ANKS1A: variants seen among roughly 807,000 people sequenced by gnomAD.
ANKS1A encodes the protein ankyrin repeat and sterile alpha motif domain containing 1A.
Under a neutral mutation model 120.3 loss-of-function variants are expected in ANKS1A, and 55 were observed. The observed-to-expected ratio is 0.46, with a 90% confidence interval of 0.37 to 0.57. ANKS1A has a LOEUF of 0.57. Ranked by LOEUF, ANKS1A falls within the 20% of genes least tolerant of loss-of-function variation. The pLI, the probability that ANKS1A is intolerant of heterozygous loss-of-function variation, is 0.00. For synonymous variants in ANKS1A, 590 were observed against 604.7 expected, an observed-to-expected ratio of 0.98 and a Z score of 0.36; for missense variants, 1,123 against 1,480.3, an observed-to-expected ratio of 0.76 and a Z score of 3.96.
At chr6:34,979,577 A>C (rs1475882354) in intron 3 of ANKS1A, among the ~76,000 whole-genome samples, 1 of 151,806 alleles carries the variant, frequency 6.6e-6, no homozygotes, top group Non-Finnish European at 1.5e-5. Flanking sequence ...AATAGAGAAA[A>C]GTTTTTTTGT....
chr6:34,890,426 A>G (rs779333608), intron 1 of ANKS1A, among the ~76,000 whole-genome samples: 1 of 152,210 alleles, frequency 6.6e-6, no homozygotes, highest in African/African-American at 2.4e-5. Context: ...CTCTGGATGT[A>G]TCATTTTCAA....
At position 35,060,043 on chromosome 6, in the gene ANKS1A, A is replaced by G. The variant is rs1013711023; in HGVS notation, c.2078-104A>G. On this transcript the variant is annotated intron_variant, in intron 12 of 23. Coordinates refer to ENST00000360359, the MANE Select transcript of ANKS1A (RefSeq NM_015245.3). This position sits in a 1 kb window ranked among gnomAD's most constrained non-coding sequence, Gnocchi z 4.5. ...GTATATAGTTTGGCTGTTTGATGGT[A>G]ATGACTATGATGTGGCAATGCCATC... The G allele has an allele frequency of 4.6e-6, 4 of 867,924 alleles. No homozygotes were observed. Among genetic ancestry groups the G allele is most frequent in the Non-Finnish European group, 7.4e-6 (4 of 538,902 alleles). The allele number at this position is 867,924 out of a possible 1,614,324, so 53.8% of individuals were successfully genotyped here. A position where few individuals can be genotyped will look rare whatever the true frequency, so the allele number is the denominator to read the frequency against.
At position 35,004,760 on chromosome 6, in the gene ANKS1A, T is replaced by A. The variant is rs187754319; in HGVS notation, c.1423+10338T>A. Reference sequence around the variant, plus strand: ...GAGACCCCATCTCTGCAAAAAAAAATTTTTTTTAAGTAACTGCCTTTTAAT... The same window carrying A: ...GAGACCCCATCTCTGCAAAAAAAAAATTTTTTTAAGTAACTGCCTTTTAAT... On this transcript the variant is annotated intron_variant, in intron 10 of 23. Transcript: ENST00000360359. Among the ~76,000 whole-genome samples, 106 of 151,864 alleles carry A rather than the reference T, an allele frequency of 7.0e-4. No individual in the cohort carries two copies. The East Asian group carries it at 9.1e-3, about 13-fold the overall frequency.
intron 10 of ANKS1A, among the ~76,000 whole-genome samples, chr6:35,013,883 A>T (rs536825676): frequency 1.3e-5 from 2 of 152,340 alleles, no homozygotes; most frequent in East Asian, 1.9e-4. Flanking sequence ...AGTTGGTCTC[A>T]TCTGTGAGCA....
chr6:35,075,212 T>C (rs1473160752), intron 13 of ANKS1A, among the ~76,000 whole-genome samples: 1 of 151,912 alleles, frequency 6.6e-6, no homozygotes, highest in East Asian at 1.9e-4. Context: ...CAGGAAAAAA[T>C]ATAGAAGAAT....
chr6:34,995,460 G>A (rs1772800973), intron 10 of ANKS1A, among the ~76,000 whole-genome samples: 1 of 151,778 alleles, frequency 6.6e-6, no homozygotes, highest in Non-Finnish European at 1.5e-5. Context: ...ATCCTTTTTG[G>A]TGTGTAGTTC....
At chr6:34,997,310 C>T (rs535997022) in intron 10 of ANKS1A, among the ~76,000 whole-genome samples, 1 of 151,532 alleles carries the variant, frequency 6.6e-6, no homozygotes, top group African/African-American at 2.4e-5. Context: ...GATTCTCCTG[C>T]CTCAGCCTCT....
intron 1 of ANKS1A, among the ~76,000 whole-genome samples, chr6:34,924,740 T>A (rs1768619820): frequency 6.6e-6 from 1 of 152,220 alleles, no homozygotes; most frequent in Non-Finnish European, 1.5e-5. Context: ...TATTCAAGAT[T>A]CCTGATTTCA....
At chr6:35,034,949 A>C (rs1284796982) in intron 11 of ANKS1A, among the ~76,000 whole-genome samples, 1 of 152,236 alleles carries the variant, frequency 6.6e-6, no homozygotes, top group Non-Finnish European at 1.5e-5. Context: ...ACAAAAAGTG[A>C]GGGAAACAGC....
chr6:34,911,219 T>C (rs938743058), intron 1 of ANKS1A, among the ~76,000 whole-genome samples: 1 of 152,240 alleles, frequency 6.6e-6, no homozygotes, highest in Non-Finnish European at 1.5e-5. Flanking sequence ...TGTGAACCTC[T>C]GAACTGAGTG....
intron 1 of ANKS1A, among the ~76,000 whole-genome samples, chr6:34,964,515 C>T (rs547209659): frequency 6.6e-6 from 1 of 152,278 alleles, no homozygotes; most frequent in South Asian, 2.1e-4. Flanking sequence ...CATGGTATGT[C>T]TTGGGAAATC....
chr6:35,091,197 GTA>G lies in ANKS1A; in HGVS notation c.*2593_*2594del, dbSNP rs1373349617. 1 of 985,712 alleles carries G rather than the reference GTA, an allele frequency of 1.0e-6. No homozygotes were observed. Among genetic ancestry groups the G allele is most frequent in the African/African-American group, 1.7e-5 (1 of 57,232 alleles). 61.1% of individuals were successfully genotyped at this position (985,712 alleles called of 1,614,324 possible). ...GAATGACTTTCCCTTTTGTTTTACT[GTA>G]TATAAAATTGTTAATCTGTCTGATT... On this transcript the variant is annotated 3_prime_UTR_variant, in exon 24 of 24. Coordinates refer to ENST00000360359, the MANE Select transcript of ANKS1A (RefSeq NM_015245.3).
At chr6:34,894,054 A>T (rs1470190917) in intron 1 of ANKS1A, among the ~76,000 whole-genome samples, 1 of 152,236 alleles carries the variant, frequency 6.6e-6, no homozygotes, top group Non-Finnish European at 1.5e-5. Flanking sequence ...TCTGGATTGC[A>T]TGGATTATAC....
intron 3 of ANKS1A, among the ~76,000 whole-genome samples, chr6:34,973,885 T>TCCCTTCCCCTTCCCTTC (rs1306140579): frequency 4.2e-4 from 17 of 40,626 alleles, no homozygotes; most frequent in South Asian, 1.4e-3. Context: ...CCCTTCCCCT[T>TCCCTTCCCCTTCCCTTC]CACTTCCCCT....
At position 35,090,848 on chromosome 6, in the gene ANKS1A, GCTT is replaced by G; in HGVS notation, c.*2243_*2245del. 1.0e-6 allele frequency: 1 copy of G among 985,760 alleles called. No individual in the cohort carries two copies. The allele number at this position is 985,760 out of a possible 1,614,324, so 61.1% of individuals were successfully genotyped here. A position where few individuals can be genotyped will look rare whatever the true frequency, so the allele number is the denominator to read the frequency against. ...GGCTCAGTACCTGTCCCAGCCACAGGCTTCTTGTCCACCTCTTCTCCCCTGCCC... is the reference window on the plus strand; with the variant it reads ...GGCTCAGTACCTGTCCCAGCCACAGGCTTGTCCACCTCTTCTCCCCTGCCC... On this transcript the variant is annotated 3_prime_UTR_variant, in exon 24 of 24. Coordinates refer to ENST00000360359, the MANE Select transcript of ANKS1A (RefSeq NM_015245.3).
chr6:35,011,021 C>T (rs1200746016), intron 10 of ANKS1A, among the ~76,000 whole-genome samples: 1 of 152,152 alleles, frequency 6.6e-6, no homozygotes, highest in Non-Finnish European at 1.5e-5. Context: ...TGGATGGTGA[C>T]TATTATTTAG....
At chr6:34,924,866 T>C (rs1329633203) in intron 1 of ANKS1A, among the ~76,000 whole-genome samples, 1 of 152,162 alleles carries the variant, frequency 6.6e-6, no homozygotes, top group Non-Finnish European at 1.5e-5. Flanking sequence ...AGTGATCCAC[T>C]TGCCTCAGCC....
At chr6:34,977,018 T>A (rs182104014) in intron 3 of ANKS1A, among the ~76,000 whole-genome samples, 1 of 152,152 alleles carries the variant, frequency 6.6e-6, no homozygotes, top group East Asian at 1.9e-4. Flanking sequence ...ATGTTCAAGT[T>A]TTACCAGTTG....
chr6:34,914,027 C>T (rs1460015672), intron 1 of ANKS1A, among the ~76,000 whole-genome samples: 1 of 152,200 alleles, frequency 6.6e-6, no homozygotes, highest in African/African-American at 2.4e-5. Flanking sequence ...ATGTCATTCT[C>T]CCGCCTCAGC....
Sources: allele counts gnomAD v4.1 joint callset (sites outside exome capture counted in the v4.1 genomes callset), GRCh38; gene constraint gnomAD v4.1.1; non-coding constraint Gnocchi (gnomAD v3.1); transcripts MANE v1.5; gene names NCBI Gene and HGNC (gene_info 2026-07-23, HGNC 2026-07-21).